Variants in PHKA2 observed in about 807,000 individuals in gnomAD.
PHKA2 encodes phosphorylase kinase regulatory subunit alpha 2.
In PHKA2, 31 loss-of-function variants were observed where a neutral mutation model predicts 102.0. The observed-to-expected ratio is 0.30, with a 90% CI of 0.23 to 0.41. PHKA2 has a LOEUF of 0.41. Among genes scored for constraint, PHKA2 ranks in the 10% least tolerant of loss-of-function variants. The pLI is 1.00. For missense variants in PHKA2, 858 were observed against 1,023.1 expected, an observed-to-expected ratio of 0.84 and a Z score of 2.20; for synonymous variants, 455 against 416.2, an observed-to-expected ratio of 1.09 and a Z score of -1.13.
intron 1 of PHKA2, among the ~76,000 whole-genome samples, chrX:18,978,712 CAAAAAAAAATTAA>C (rs1445586679): frequency 9.3e-6 from 1 of 107,916 alleles, no homozygotes; most frequent in African/African-American, 3.4e-5. Flanking sequence ...GACTCTGTCT[CAAAAAAAAATTAA>C]AATAAAAATA....
chrX:18,899,331 G>T, intron 28 of PHKA2, 105 bp from the exon 29 acceptor site: 1 of 687,339 alleles, frequency 1.5e-6, no homozygotes, highest in Non-Finnish European at 2.3e-6. Context: ...GAAAGCAGCA[G>T]CAGAGAATGC....
intron 11 of PHKA2, among the ~76,000 whole-genome samples, chrX:18,935,336 T>C (rs2147944270): frequency 8.9e-6 from 1 of 112,161 alleles, no homozygotes; most frequent in South Asian, 3.7e-4. Context: ...GGCTTCTAAG[T>C]GATTACTCAA....
At chrX:18,940,440 C>T (rs1047157193) in intron 8 of PHKA2, among the ~76,000 whole-genome samples, 3 of 111,858 alleles carry the variant, frequency 2.7e-5, no homozygotes, top group African/African-American at 9.8e-5. Flanking sequence ...CAAGGACATT[C>T]CCCAGGCTCC....
intron 1 of PHKA2, among the ~76,000 whole-genome samples, chrX:18,974,319 C>CT (rs1337972344): frequency 9.0e-6 from 1 of 111,643 alleles, no homozygotes; most frequent in African/African-American, 3.3e-5. Flanking sequence ...TCCCTTCTCT[C>CT]TTGAATTCGA....
At chrX:18,907,141 A>G (rs1200553424) in intron 22 of PHKA2, 44 bp from the exon 23 acceptor site, 1 of 945,258 alleles carries the variant, frequency 1.1e-6, no homozygotes, top group Non-Finnish European at 1.5e-6. Context: ...CGCGAGAGAG[A>G]TACTGGCAAA....
chrX:18,957,738 T>TTTTATATATATATATATA (rs1556017565), intron 1 of PHKA2, among the ~76,000 whole-genome samples: 46 of 95,143 alleles, frequency 4.8e-4, no homozygotes, highest in African/African-American at 1.9e-3. Flanking sequence ...TAAAACCAGA[T>TTTTATATATATATATATA]TATATATATA....
At position 18,955,910 on chromosome X, in the gene PHKA2, C is replaced by T. The variant is rs567920156; in HGVS notation, c.79-1498G>A. On this transcript the variant is annotated intron_variant, in intron 1 of 32. Coordinates refer to ENST00000379942, the MANE Select transcript of PHKA2 (RefSeq NM_000292.3). ...CATTCTATATATTGACATGGTTCTA[C>T]GGCCAACAACTATGAATCACTGATG... 5.6e-4 allele frequency among the ~76,000 whole-genome samples: 63 copies of T among 112,545 alleles called. 1 individual carries two copies. In the South Asian group the frequency reaches 0.015, roughly 27 times the overall value.
intron 1 of PHKA2, among the ~76,000 whole-genome samples, chrX:18,973,299 C>T (rs1044250404): frequency 1.8e-5 from 2 of 112,206 alleles, no homozygotes; most frequent in African/African-American, 6.5e-5. Flanking sequence ...GCCACCGCGC[C>T]TGGCCTTAAG....
Position 18,927,404 on chromosome X carries a change from G to A in PHKA2, c.1325-817C>T, listed in dbSNP as rs1441454185. Among the ~76,000 whole-genome samples, 4 of 112,286 alleles carry A rather than the reference G, an allele frequency of 3.6e-5. No homozygotes were observed. The East Asian group carries it at 1.1e-3, about 32-fold the overall frequency. ...GGCAAAGGGAAGGAGTACAGGGATG[G>A]GACTGGAAAAGGGGAGCACGGCCAC... On this transcript the variant is annotated intron_variant, in intron 13 of 32. Transcript: ENST00000379942.
intron 1 of PHKA2, among the ~76,000 whole-genome samples, chrX:18,977,663 A>G (rs1312812994): frequency 1.8e-5 from 2 of 111,177 alleles, no homozygotes; most frequent in Non-Finnish European, 3.8e-5. Context: ...CTGTATCCCT[A>G]ATATAATTTT....
chrX:18,936,223 G>GA lies in PHKA2; in HGVS notation c.1042-74dup, dbSNP rs759729811. On this transcript the variant is annotated intron_variant, in intron 10 of 32. Transcript: ENST00000379942. ...ATTGCTGTAACAGCGGTGCAACATAGAAAAAAAGCTCTCATGGCAACAGAT... is the reference window on the plus strand; with the variant it reads ...ATTGCTGTAACAGCGGTGCAACATAGAAAAAAAAGCTCTCATGGCAACAGAT... 2.3e-4 allele frequency: 159 copies of GA among 684,231 alleles called. 1 individual carries two copies. In the African/African-American group the frequency reaches 3.0e-3, roughly 13 times the overall value. 56.4% of individuals were successfully genotyped at this position (684,231 alleles called of 1,213,427 possible). A position where few individuals can be genotyped will look rare whatever the true frequency, so the allele number is the denominator to read the frequency against.
At chrX:18,937,809 GC>G (rs1433722997) in intron 10 of PHKA2, among the ~76,000 whole-genome samples, 1 of 112,090 alleles carries the variant, frequency 8.9e-6, no homozygotes, top group Admixed American at 9.4e-5. Flanking sequence ...AACCTAATTT[GC>G]CTTTTAATAA....
chrX:18,933,214 C>G (rs2048343372), intron 11 of PHKA2, among the ~76,000 whole-genome samples: 1 of 112,313 alleles, frequency 8.9e-6, no homozygotes, highest in South Asian at 3.7e-4. Context: ...GCACTCCTCC[C>G]ACCCATGAGC....
Position 18,924,532 on chromosome X carries a change from G to T in PHKA2, c.1570-7C>A. The T allele has an allele frequency of 1.7e-6, 2 of 1,209,966 alleles. No individual in the cohort carries two copies. Among genetic ancestry groups the T allele is most frequent in the South Asian group, 1.8e-5 (1 of 56,933 alleles). Reference sequence around the variant, plus strand: ...AGTGATGCTGGTCGGTGAACTGAAAGTCAGAGGAGGCTGGGTAAACGGCCA... The same window carrying T: ...AGTGATGCTGGTCGGTGAACTGAAATTCAGAGGAGGCTGGGTAAACGGCCA... On this transcript the variant is annotated splice_polypyrimidine_tract_variant and splice_region_variant and intron_variant, in intron 15 of 32. Coordinates refer to ENST00000379942, the MANE Select transcript of PHKA2 (RefSeq NM_000292.3).
chrX:18,939,784 C>T (rs992050351), intron 9 of PHKA2, among the ~76,000 whole-genome samples: 1 of 112,166 alleles, frequency 8.9e-6, no homozygotes, highest in African/African-American at 3.2e-5. Flanking sequence ...TGAGCCACCG[C>T]GCCTGGCCAA....
At position 18,924,449 on chromosome X, in the gene PHKA2, T is replaced by A. The variant is rs1430147654; in HGVS notation, c.1646A>T (p.Tyr549Phe). Residue 549 changes from tyrosine to phenylalanine, a missense_variant, in exon 16 of 33, where the codon TAC (tyrosine) becomes TTC (phenylalanine). Physicochemically the swap from Tyr to Phe is conservative, Grantham distance 22. This residue lies in a region of PHKA2 where 671 missense variants were observed against 745.2 expected (regional missense o/e 0.90). Transcript: ENST00000379942. Reference protein sequence around the residue: ...IVEMLRIELAYLCTCWRMTGR... With the variant: ...IVEMLRIELAFLCTCWRMTGR... ...CGTCATCCTCCAGCAGGTGCACAGGTAGGCCAGCTCGATCCTTAGCATCTC... is the reference window on the plus strand; with the variant it reads ...CGTCATCCTCCAGCAGGTGCACAGGAAGGCCAGCTCGATCCTTAGCATCTC... The A allele has an allele frequency of 1.8e-5, 22 of 1,207,493 alleles. No individual in the cohort carries two copies. In the Admixed American group the frequency reaches 4.6e-4, roughly 25 times the overall value.
Position 18,915,921 on chromosome X carries a change from G to A in PHKA2, c.2137+2760C>T, listed in dbSNP as rs755579186. Reference sequence around the variant, plus strand: ...ACAGAGAAAATGTTGGGCAGGAAATGAGTCAAGAAACTTTTTAGGAAAACT... The same window carrying A: ...ACAGAGAAAATGTTGGGCAGGAAATAAGTCAAGAAACTTTTTAGGAAAACT... On this transcript the variant is annotated intron_variant, in intron 19 of 32. Transcript: ENST00000379942. Among the ~76,000 whole-genome samples, 7 of 111,603 alleles carry A rather than the reference G, an allele frequency of 6.3e-5. No individual in the cohort carries two copies. The South Asian group carries it at 2.6e-3, about 42-fold the overall frequency.
chrX:18,938,603 A>T (rs2048433894), intron 10 of PHKA2, 24 bp downstream of exon 10: 2 of 1,186,767 alleles, frequency 1.7e-6, no homozygotes, highest in East Asian at 3.0e-5. Context: ...ATAATTATCA[A>T]CGTAACACCC....
intron 11 of PHKA2, among the ~76,000 whole-genome samples, chrX:18,935,123 A>G (rs1004687493): frequency 3.6e-5 from 4 of 112,374 alleles, no homozygotes; most frequent in African/African-American, 1.3e-4. Flanking sequence ...CACAAACACA[A>G]TAATCAAGCC....
Sources: allele counts gnomAD v4.1 joint callset (sites outside exome capture counted in the v4.1 genomes callset), GRCh38; gene constraint gnomAD v4.1.1; regional missense constraint gnomAD v4.1.1; transcripts MANE v1.5; gene names NCBI Gene and HGNC (gene_info 2026-07-23, HGNC 2026-07-21).